Variants in ZBTB7C observed in about 807,000 individuals in gnomAD.
ZBTB7C encodes zinc finger and BTB domain containing 7C.
ZBTB7C carries 8 observed loss-of-function variants against 25.7 expected under a neutral mutation model. That is an observed-to-expected ratio of 0.31 (90% CI 0.18 to 0.56). ZBTB7C has a LOEUF of 0.56. Ranked by LOEUF, ZBTB7C falls within the 20% of genes least tolerant of loss-of-function variation. The probability of loss-of-function intolerance (pLI) is 0.91; values close to 1 mark genes in which losing one functional copy is unlikely to be tolerated. For missense variants in ZBTB7C, 824 were observed against 855.2 expected (o/e 0.96, Z 0.46); for synonymous variants, 394 against 369.0 (o/e 1.07, Z -0.78).
intron 2 of ZBTB7C, among the ~76,000 whole-genome samples, chr18:48,237,522 T>C (rs1017910007): frequency 2.0e-5 from 3 of 152,072 alleles, no homozygotes; most frequent in African/African-American, 4.8e-5. Context: ...ATTAAAACCA[T>C]ACATATACAC....
At chr18:48,171,997 T>G (rs2041498874) in intron 3 of ZBTB7C, among the ~76,000 whole-genome samples, 1 of 152,206 alleles carries the variant, frequency 6.6e-6, no homozygotes, top group East Asian at 1.9e-4. Flanking sequence ...GAATAAGAAG[T>G]AGCTCCAGCT....
intron 2 of ZBTB7C, among the ~76,000 whole-genome samples, chr18:48,284,289 A>C (rs1031537338): frequency 6.6e-6 from 1 of 152,146 alleles, no homozygotes; most frequent in South Asian, 2.1e-4. Flanking sequence ...AAAAATAAAA[A>C]TTAGCCTGGC....
intron 3 of ZBTB7C, among the ~76,000 whole-genome samples, chr18:48,047,430 A>T (rs2036518671): frequency 6.7e-6 from 1 of 148,310 alleles, no homozygotes. Flanking sequence ...CTTTGGTAGG[A>T]AGGAGCTAGA....
chr18:48,095,747 A>AAAATAAAAG (rs35953333), intron 3 of ZBTB7C, among the ~76,000 whole-genome samples: 19,238 of 89,816 alleles, frequency 0.21, 1,610 homozygotes, highest in East Asian at 0.46. Flanking sequence ...TAAAATAAAA[A>AAAATAAAAG]TGGTTATTGG....
chr18:48,053,845 G>A (rs1388441959), intron 3 of ZBTB7C, among the ~76,000 whole-genome samples: 1 of 152,210 alleles, frequency 6.6e-6, no homozygotes, highest in Non-Finnish European at 1.5e-5. Context: ...GGGGTGCCTG[G>A]GGTCAGAGGA....
At chr18:48,094,276 T>G (rs1375456090) in intron 3 of ZBTB7C, among the ~76,000 whole-genome samples, 1 of 152,208 alleles carries the variant, frequency 6.6e-6, no homozygotes. Flanking sequence ...TTTTAGCTCA[T>G]GTGCAACTAT....
chr18:48,245,092 G>GTATATATA (rs1397704476), intron 2 of ZBTB7C, among the ~76,000 whole-genome samples: 49 of 126,328 alleles, frequency 3.9e-4, no homozygotes, highest in Non-Finnish European at 6.0e-4. Context: ...GTGTGTGTGT[G>GTATATATA]TATATATATA....
At chr18:48,311,811 A>T (rs1013836473) in intron 2 of ZBTB7C, among the ~76,000 whole-genome samples, 1 of 152,234 alleles carries the variant, frequency 6.6e-6, no homozygotes, top group Non-Finnish European at 1.5e-5. Context: ...ATTTTTCTTC[A>T]TCAATAAGAT....
intron 1 of ZBTB7C, among the ~76,000 whole-genome samples, chr18:48,384,682 T>A (rs1352864649): frequency 1.3e-5 from 2 of 152,044 alleles, no homozygotes; most frequent in Non-Finnish European, 2.9e-5. Flanking sequence ...TGTTTTTTGG[T>A]TTGTTTGTTT....
In ZBTB7C at chr18:48,029,719, G is replaced by C; in HGVS notation, c.1401C>G (p.Ile467Met). Residue 467 changes from isoleucine to methionine, a missense_variant, in exon 5 of 5, where the codon ATC becomes ATG. Transcript: ENST00000590800. ...FTRSDHLHRH[I>M]KRQSCRMARP... Reference sequence around the variant, plus strand: ...GTGCCATGCGGCAGCTCTGGCGCTTGATGTGGCGGTGCAGGTGGTCAGAGC... The same window carrying C: ...GTGCCATGCGGCAGCTCTGGCGCTTCATGTGGCGGTGCAGGTGGTCAGAGC... 4 of 1,602,380 alleles carry C rather than the reference G, an allele frequency of 2.5e-6. No individual in the cohort carries two copies. Among genetic ancestry groups the C allele is most frequent in the Non-Finnish European group, 3.4e-6 (4 of 1,177,530 alleles).
At chr18:48,243,226 T>C (rs1336820171) in intron 2 of ZBTB7C, among the ~76,000 whole-genome samples, 1 of 134,646 alleles carries the variant, frequency 7.4e-6, no homozygotes, top group Non-Finnish European at 1.5e-5. Context: ...ATCATGCCAC[T>C]GCACTCCAGC....
intron 2 of ZBTB7C, among the ~76,000 whole-genome samples, chr18:48,256,607 G>T (rs8089216): frequency 0.11 from 16,704 of 151,624 alleles, 1,605 homozygotes; most frequent in African/African-American, 0.25. Context: ...AAATGGTTTT[G>T]TGCATTTATA....
chr18:48,078,598 T>C (rs2037862818), intron 3 of ZBTB7C, among the ~76,000 whole-genome samples: 1 of 152,180 alleles, frequency 6.6e-6, no homozygotes. Flanking sequence ...TGGTGAGCAC[T>C]GCCCCGACTA....
At chr18:48,392,421 C>A (rs2047923633) in intron 1 of ZBTB7C, among the ~76,000 whole-genome samples, 1 of 152,170 alleles carries the variant, frequency 6.6e-6, no homozygotes, top group Non-Finnish European at 1.5e-5. Flanking sequence ...CCCAGAAGTC[C>A]AAGTGCAAGC....
chr18:48,070,940 A>G (rs1189368933), intron 3 of ZBTB7C, among the ~76,000 whole-genome samples: 1 of 152,184 alleles, frequency 6.6e-6, no homozygotes, highest in Non-Finnish European at 1.5e-5. Flanking sequence ...CCCATCAGAT[A>G]ATATGTTGAG....
chr18:48,143,343 T>C (rs2040406710), intron 3 of ZBTB7C, among the ~76,000 whole-genome samples: 1 of 152,192 alleles, frequency 6.6e-6, no homozygotes, highest in Admixed American at 6.5e-5. Flanking sequence ...AGGGGAAAGA[T>C]TTAATTCTGT....
At chr18:48,146,170 T>C (rs1351751833) in intron 3 of ZBTB7C, among the ~76,000 whole-genome samples, 1 of 152,230 alleles carries the variant, frequency 6.6e-6, no homozygotes, top group Non-Finnish European at 1.5e-5. Context: ...GAAATTTTGA[T>C]AAACAATCCA....
chr18:48,082,506 G>A (rs2038028751), intron 3 of ZBTB7C, among the ~76,000 whole-genome samples: 1 of 152,184 alleles, frequency 6.6e-6, no homozygotes, highest in African/African-American at 2.4e-5. Context: ...GACAAGGTAG[G>A]AGGTGTGTGC....
intron 3 of ZBTB7C, among the ~76,000 whole-genome samples, chr18:48,086,975 T>C (rs1236466222): frequency 6.6e-6 from 1 of 152,226 alleles, no homozygotes; most frequent in Admixed American, 6.5e-5. Context: ...TTAACATATA[T>C]TGTTTTTCAG....
Sources: gnomAD v4.1 joint callset for allele counts (sites outside exome capture counted in the v4.1 genomes callset) on GRCh38, gnomAD v4.1.1 for gene constraint, MANE v1.5 for transcripts, NCBI Gene and HGNC (gene_info 2026-07-23, HGNC 2026-07-21) for gene names.